CMBL: variants seen among roughly 807,000 people sequenced by gnomAD.
CMBL encodes the protein carboxymethylenebutenolidase homolog (Pseudomonas).
A neutral mutation model predicts 28.7 loss-of-function variants in CMBL; 17 were observed. The ratio of observed to expected loss-of-function variants is 0.59; its 90% CI spans 0.41 to 0.89. The LOEUF (loss-of-function observed/expected upper bound fraction) is 0.89, where lower values mean the gene tolerates loss of function less well. Among genes scored for constraint, CMBL ranks in the 40% least tolerant of loss-of-function variants. The pLI is 0.00. For missense variants in CMBL, 310 were observed against 298.5 expected, an observed-to-expected ratio of 1.04 and a Z score of -0.28; for synonymous variants, 106 against 101.6, an observed-to-expected ratio of 1.04 and a Z score of -0.26.
At chr5:10,299,782 T>A (rs1397701073) in intron 1 of CMBL, among the ~76,000 whole-genome samples, 1 of 150,546 alleles carries the variant, frequency 6.6e-6, no homozygotes, top group Non-Finnish European at 1.5e-5. Context: ...GCCCAGGAGG[T>A]CAAGACTGCA....
chr5:10,286,316 C>A, intron 4 of CMBL, 38 bp downstream of exon 4: 1 of 1,592,198 alleles, frequency 6.3e-7, no homozygotes, highest in Non-Finnish European at 8.6e-7. Context: ...TCCACCCCTC[C>A]CTTCTGCATG....
chr5:10,278,598 G>A lies in CMBL; in HGVS notation c.*1855C>T, dbSNP rs1746436569. Reference sequence around the variant, plus strand: ...CTCTCTCGTTCTCCACCTTCTGGTTGAGCCCATGTGTCCTGAATGGCTCCC... The same window carrying A: ...CTCTCTCGTTCTCCACCTTCTGGTTAAGCCCATGTGTCCTGAATGGCTCCC... On this transcript the variant is annotated 3_prime_UTR_variant, in exon 6 of 6. Coordinates refer to ENST00000296658, the MANE Select transcript of CMBL (RefSeq NM_138809.4). Among the ~76,000 whole-genome samples the A allele has an allele frequency of 6.6e-6, 1 of 152,070 alleles. No individual in the cohort carries two copies. The highest frequency in any genetic ancestry group is 2.4e-5 in the African/African-American group (1 of 41,404).
At chr5:10,285,479 ATAGAGACAAGGTCTC>A (rs1230364236) in intron 4 of CMBL, among the ~76,000 whole-genome samples, 3 of 151,626 alleles carry the variant, frequency 2.0e-5, no homozygotes, top group African/African-American at 7.3e-5. Flanking sequence ...AAAATTTTTT[ATAGAGACAAGGTCTC>A]TCTATGTTGC....
At chr5:10,301,465 G>T (rs1217386977) in intron 1 of CMBL, among the ~76,000 whole-genome samples, 1 of 151,410 alleles carries the variant, frequency 6.6e-6, no homozygotes, top group Non-Finnish European at 1.5e-5. Flanking sequence ...TCACAATACA[G>T]CGATCATCAA....
chr5:10,304,828 A>G (rs185100108), intron 1 of CMBL, among the ~76,000 whole-genome samples: 1 of 152,152 alleles, frequency 6.6e-6, no homozygotes, highest in Admixed American at 6.5e-5. Flanking sequence ...TCTGCATGGA[A>G]ACGGGATAGA....
At chr5:10,288,994 C>A (rs191673819) in intron 2 of CMBL, among the ~76,000 whole-genome samples, 1 of 152,168 alleles carries the variant, frequency 6.6e-6, no homozygotes, top group African/African-American at 2.4e-5. Context: ...TCCACCAAGA[C>A]GGCGACGAAG....
intron 4 of CMBL, among the ~76,000 whole-genome samples, chr5:10,284,993 C>CT (rs546728467): frequency 0.019 from 2,746 of 142,886 alleles, 63 homozygotes; most frequent in African/African-American, 0.059. Context: ...GCTTTCTTTC[C>CT]TTTTTTTTTT....
At chr5:10,291,687 A>C (rs1315676954) in intron 1 of CMBL, among the ~76,000 whole-genome samples, 1 of 152,102 alleles carries the variant, frequency 6.6e-6, no homozygotes, top group Non-Finnish European at 1.5e-5. Flanking sequence ...AGAAAAGAAA[A>C]GAAAAAGAAA....
Position 10,282,185 on chromosome 5 carries a change from A to T in CMBL, c.558+12T>A. On this transcript the variant is annotated intron_variant, in intron 5 of 5. Coordinates refer to ENST00000296658, the MANE Select transcript of CMBL (RefSeq NM_138809.4). ...AAATAAATAAATACGAAGAGAAAAG[A>T]TGCCAACTTACGTCCTTGAGTGGAA... 1 of 1,574,394 alleles carries T rather than the reference A, an allele frequency of 6.4e-7. No homozygotes were observed. Among genetic ancestry groups the T allele is most frequent in the South Asian group, 1.1e-5 (1 of 90,280 alleles).
intron 1 of CMBL, among the ~76,000 whole-genome samples, chr5:10,302,626 G>A (rs921836847): frequency 4.6e-5 from 7 of 151,814 alleles, no homozygotes; most frequent in African/African-American, 1.7e-4. Context: ...CAGGAAGGAG[G>A]AGTCCAACAT....
intron 1 of CMBL, among the ~76,000 whole-genome samples, chr5:10,294,317 G>A (rs1180138375): frequency 1.3e-5 from 2 of 152,176 alleles, no homozygotes; most frequent in East Asian, 3.8e-4. Context: ...GCTCATGCCT[G>A]TAATCTCAAT....
At chr5:10,302,199 T>C (rs1403240863) in intron 1 of CMBL, among the ~76,000 whole-genome samples, 2 of 152,224 alleles carry the variant, frequency 1.3e-5, no homozygotes, top group Non-Finnish European at 1.5e-5. Flanking sequence ...AACTGTACTA[T>C]ATTTTCTGTA....
At chr5:10,287,009 G>A (rs1746616607) in intron 3 of CMBL, among the ~76,000 whole-genome samples, 1 of 152,092 alleles carries the variant, frequency 6.6e-6, no homozygotes, top group Non-Finnish European at 1.5e-5. Context: ...ACTCTGCATT[G>A]CTCGTCTCCT....
intron 4 of CMBL, among the ~76,000 whole-genome samples, chr5:10,285,582 G>C (rs1006829207): frequency 1.3e-5 from 2 of 152,102 alleles, no homozygotes; most frequent in African/African-American, 4.8e-5. Context: ...ACAGGCGTGA[G>C]TCATCGCATC....
chr5:10,288,446 G>GT lies in CMBL; in HGVS notation c.298dup (p.Thr100AsnfsTer9). ...CCTATCGATCTTCTGGGCATTTCTT[G>GT]TTTTCAGCCACTCAGGGAAGATAGA... is the stretch of plus-strand genomic sequence containing the variant. On this transcript the variant is annotated frameshift_variant, in exon 3 of 6. Coordinates refer to ENST00000296658, the MANE Select transcript of CMBL (RefSeq NM_138809.4). LOFTEE classifies it high-confidence loss of function. The GT allele has an allele frequency of 6.2e-7, 1 of 1,613,810 alleles. No individual in the cohort carries two copies. The highest frequency in any genetic ancestry group is 8.5e-7 in the Non-Finnish European group (1 of 1,179,794).
At chr5:10,297,128 T>C (rs1579476270) in intron 1 of CMBL, among the ~76,000 whole-genome samples, 1 of 146,742 alleles carries the variant, frequency 6.8e-6, no homozygotes, top group Non-Finnish European at 1.5e-5. Flanking sequence ...GAGGTTGCAG[T>C]GAACCGAGAT....
In CMBL at chr5:10,302,174, C is replaced by T. The variant is rs146578596; in HGVS notation, c.-20+5451G>A. On this transcript the variant is annotated intron_variant, in intron 1 of 5. Transcript: ENST00000296658. ...CCCTGGCAAGTCTCAGGGAACATAC[C>T]CTTGACTCTCAACTAACTGTACTAT... Among the ~76,000 whole-genome samples, 17 of 152,298 alleles carry T rather than the reference C, an allele frequency of 1.1e-4. No homozygotes were observed. The East Asian group carries it at 3.1e-3, about 28-fold the overall frequency.
At chr5:10,286,307 C>CTT (rs1434643314) in intron 4 of CMBL, 47 bp downstream of exon 4, 3 of 1,574,420 alleles carry the variant, frequency 1.9e-6, no homozygotes, top group Non-Finnish European at 2.6e-6. Context: ...TGTCACTCTT[C>CTT]CACCCCTCCC....
At position 10,279,833 on chromosome 5, in the gene CMBL, C is replaced by A. The variant is rs1482878646; in HGVS notation, c.*620G>T. The A allele has an allele frequency of 2.0e-5, 3 of 151,996 alleles. No homozygotes were observed. The highest frequency in any genetic ancestry group is 4.4e-5 in the Non-Finnish European group (3 of 68,048). The allele number at this position is 151,996 out of a possible 1,614,324, so 9.4% of individuals were successfully genotyped here. A position where few individuals can be genotyped will look rare whatever the true frequency, so the allele number is the denominator to read the frequency against. ...GGGATTACAGGCGTGAGCCACCGCA[C>A]CCGGCCTGTAGGTTTTAACTAATAA... On this transcript the variant is annotated 3_prime_UTR_variant, in exon 6 of 6. Coordinates refer to ENST00000296658, the MANE Select transcript of CMBL (RefSeq NM_138809.4).
Sources: gnomAD v4.1 joint callset for allele counts (sites outside exome capture counted in the v4.1 genomes callset) on GRCh38, gnomAD v4.1.1 for gene constraint, MANE v1.5 for transcripts, NCBI Gene and HGNC (gene_info 2026-07-23, HGNC 2026-07-21) for gene names.